The following PIK3CD variants were observed in gnomAD, a reference collection of about 807,000 sequenced individuals.
The protein encoded by PIK3CD is phosphatidylinositol 4,5-bisphosphate 3-kinase catalytic subunit delta isoform.
A neutral mutation model predicts 122.9 loss-of-function variants in PIK3CD; 20 were observed. That is an observed-to-expected ratio of 0.16 (90% CI 0.11 to 0.24). The LOEUF (loss-of-function observed/expected upper bound fraction) is 0.24. Among genes scored for constraint, PIK3CD ranks in the 10% least tolerant of loss-of-function variants. The pLI is 1.00. For synonymous variants in PIK3CD, 596 were observed against 593.4 expected, an observed-to-expected ratio of 1.00 and a Z score of -0.06; for missense variants, 787 against 1,406.3, an observed-to-expected ratio of 0.56 and a Z score of 7.04.
chr1:9,637,819 T>C, the PIK3CD span, among the ~76,000 whole-genome samples: 34 of 152,038 alleles, frequency 2.2e-4, no homozygotes, highest in Admixed American at 1.8e-3. Context: ...ACCATACACC[T>C]GTAAAGAAGT....
chr1:9,627,954 T>C, the PIK3CD span, among the ~76,000 whole-genome samples: 1 of 152,198 alleles, frequency 6.6e-6, no homozygotes, highest in South Asian at 2.1e-4. Flanking sequence ...TGGAGGCAGA[T>C]GGCACCTCCC....
At chr1:9,657,613 A>T (rs1257751780) in intron 1 of PIK3CD, among the ~76,000 whole-genome samples, 1 of 152,008 alleles carries the variant, frequency 6.6e-6, no homozygotes, top group Non-Finnish European at 1.5e-5. Context: ...GGAGCTCAGG[A>T]GGAGAAATGC....
the PIK3CD span, among the ~76,000 whole-genome samples, chr1:9,635,603 G>T: frequency 6.6e-6 from 1 of 152,208 alleles, no homozygotes; most frequent in African/African-American, 2.4e-5. Flanking sequence ...AACTTGGATA[G>T]GGTCAAGGGC....
chr1:9,727,309 C>T lies in PIK3CD; in HGVS notation c.*263C>T, dbSNP rs1385178254. 2.5e-5 allele frequency: 13 copies of T among 529,264 alleles called. No individual in the cohort carries two copies. Among genetic ancestry groups the T allele is most frequent in the Non-Finnish European group, 4.1e-5 (12 of 292,824 alleles). The allele number at this position is 529,264 out of a possible 1,614,324, so 32.8% of individuals were successfully genotyped here. On this transcript the variant is annotated 3_prime_UTR_variant, in exon 24 of 24. Transcript: ENST00000377346. ...CTGGCTCTCGGCTGAGGATTGTCAC[C>T]CCAAGTCTTCCAGCTGGTGGATCTG...
Position 9,717,255 on chromosome 1 carries a change from G to T in PIK3CD, c.930+147G>T. On this transcript the variant is annotated intron_variant, in intron 7 of 23. Coordinates refer to ENST00000377346, the MANE Select transcript of PIK3CD (RefSeq NM_005026.5). This position sits in a 1 kb window ranked among gnomAD's most constrained non-coding sequence, Gnocchi z 5.4. ...GGGGAAGCCAACACAGCTGACCAGC[G>T]TCCTGGGCTGGGGGCCTGTGGGACT... 1 of 1,098,376 alleles carries T rather than the reference G, an allele frequency of 9.1e-7. No homozygotes were observed. The highest frequency in any genetic ancestry group is 1.3e-6 in the Non-Finnish European group (1 of 744,326). The allele number at this position is 1,098,376 out of a possible 1,614,324, so 68.0% of individuals were successfully genotyped here. A position where few individuals can be genotyped will look rare whatever the true frequency, so the allele number is the denominator to read the frequency against.
At chr1:9,675,385 C>CAAAA (rs34447888) in intron 1 of PIK3CD, among the ~76,000 whole-genome samples, 1 of 59,478 alleles carries the variant, frequency 1.7e-5, no homozygotes. Context: ...GACTCCGTCT[C>CAAAA]AAAAAAAAAA....
chr1:9,639,198 TG>T, the PIK3CD span, among the ~76,000 whole-genome samples: 3 of 152,176 alleles, frequency 2.0e-5, no homozygotes, highest in African/African-American at 7.2e-5. Flanking sequence ...CTTTCTGTCC[TG>T]GGAAAAAGTA....
At chr1:9,638,103 T>C in the PIK3CD span, among the ~76,000 whole-genome samples, 17 of 151,262 alleles carry the variant, frequency 1.1e-4, no homozygotes, top group Non-Finnish European at 2.2e-4. Context: ...CGAGACTCTG[T>C]CTCAAAATAA....
Position 9,653,706 on chromosome 1 carries a change from A to G in PIK3CD, c.-138+1904A>G. Reference sequence around the variant, plus strand: ...TGCGACCAAACGCAAGGAGATATAAATAGAGCTTTCTCTTTGGCTCTCTCT... The same window carrying G: ...TGCGACCAAACGCAAGGAGATATAAGTAGAGCTTTCTCTTTGGCTCTCTCT... On this transcript the variant is annotated intron_variant, in intron 1 of 23. Coordinates refer to ENST00000377346, the MANE Select transcript of PIK3CD (RefSeq NM_005026.5). The G allele has an allele frequency of 2.2e-6, 2 of 927,646 alleles. 1 individual carries two copies. The allele number at this position is 927,646 out of a possible 1,614,324, so 57.5% of individuals were successfully genotyped here.
At chr1:9,663,152 A>G (rs774707872) in intron 1 of PIK3CD, among the ~76,000 whole-genome samples, 1 of 152,096 alleles carries the variant, frequency 6.6e-6, no homozygotes, top group Non-Finnish European at 1.5e-5. Flanking sequence ...TGGCGCTCTG[A>G]GCATTTGCAC....
intron 1 of PIK3CD, among the ~76,000 whole-genome samples, chr1:9,656,683 C>G (rs1644863851): frequency 6.6e-6 from 1 of 152,126 alleles, no homozygotes; most frequent in Non-Finnish European, 1.5e-5. Context: ...TAGCTCACGC[C>G]TGTAATCCCA....
chr1:9,659,133 G>A (rs188672223), intron 1 of PIK3CD, among the ~76,000 whole-genome samples: 3 of 151,862 alleles, frequency 2.0e-5, no homozygotes, highest in Admixed American at 2.0e-4. Context: ...TGGACACAGG[G>A]AGGGGAACAA....
chr1:9,708,433 C>T (rs553553703), intron 2 of PIK3CD, among the ~76,000 whole-genome samples: 15 of 151,632 alleles, frequency 9.9e-5, no homozygotes, highest in Admixed American at 5.9e-4. Context: ...CTGCCTGTGT[C>T]GCCTCCCAAA....
At chr1:9,716,125 G>A in intron 5 of PIK3CD, 47 bp downstream of exon 5, 1 of 1,466,896 alleles carries the variant, frequency 6.8e-7, no homozygotes, top group Non-Finnish European at 9.5e-7. Context: ...CTGTCCATGG[G>A]GAGCACTTCC....
the PIK3CD span, among the ~76,000 whole-genome samples, chr1:9,639,896 A>AT: frequency 1.3e-5 from 2 of 151,872 alleles, no homozygotes; most frequent in African/African-American, 4.8e-5. Flanking sequence ...TGCTTGGCTA[A>AT]TTTTTTTGAA....
chr1:9,696,509 TG>T (rs1301842203), intron 2 of PIK3CD, among the ~76,000 whole-genome samples: 1 of 151,920 alleles, frequency 6.6e-6, no homozygotes, highest in African/African-American at 2.4e-5. Context: ...CCTAGCACTT[TG>T]GGAAGCTGAA....
intron 1 of PIK3CD, among the ~76,000 whole-genome samples, chr1:9,675,507 C>A (rs1309015011): frequency 6.6e-6 from 1 of 152,066 alleles, no homozygotes; most frequent in Non-Finnish European, 1.5e-5. Context: ...CTTACCCAGC[C>A]AGAAAGTGGC....
chr1:9,707,800 G>GT (rs111811970), intron 2 of PIK3CD, among the ~76,000 whole-genome samples: 131 of 142,744 alleles, frequency 9.2e-4, no homozygotes, highest in Non-Finnish European at 1.2e-3. Flanking sequence ...TTATAATTTT[G>GT]TTTTTTTTTT....
the PIK3CD span, among the ~76,000 whole-genome samples, chr1:9,643,081 A>C: frequency 1.1e-4 from 17 of 149,290 alleles, no homozygotes. Flanking sequence ...CTCAAAGAAA[A>C]GAAAAGAAAG....
Sources: gnomAD v4.1 joint callset for allele counts (sites outside exome capture counted in the v4.1 genomes callset) on GRCh38, gnomAD v4.1.1 for gene constraint, Gnocchi (gnomAD v3.1) non-coding constraint, MANE v1.5 for transcripts, NCBI Gene and HGNC (gene_info 2026-07-23, HGNC 2026-07-21) for gene names.